The following USP27X variants were observed in gnomAD, a reference collection of about 807,000 sequenced individuals.
USP27X encodes the protein ubiquitin specific peptidase 27 X-linked.
For synonymous variants in USP27X, 109 were observed against 141.5 expected (o/e 0.77, Z 1.63); for missense variants, 161 against 341.0 (o/e 0.47, Z 4.16).
Position 49,881,504 on chromosome X carries a change from C to T in USP27X, c.1197C>T (p.Val399=), listed in dbSNP as rs782121283. The T allele has an allele frequency of 1.7e-6, 2 of 1,210,146 alleles. No homozygotes were observed. The highest frequency in any genetic ancestry group is 3.5e-5 in the South Asian group (2 of 56,558). The part of the protein sequence containing the change: ...KDQWFKCDDA[V]ITKASIKDVL... The stretch of plus-strand genomic sequence containing the variant: ...AGTGGTTCAAGTGTGATGATGCCGT[C>T]ATCACTAAGGCCAGTATTAAGGACG... The change falls in exon 1 of 1, where the codon GTC becomes GTT. Residue 399 remains valine, a synonymous_variant. Transcript: ENST00000621775.
chrX:49,880,235 C>A lies in USP27X; in HGVS notation c.-73C>A. On this transcript the variant is annotated 5_prime_UTR_variant, in exon 1 of 1. Coordinates refer to ENST00000621775, the MANE Select transcript of USP27X (RefSeq NM_001145073.3). Reference sequence around the variant, plus strand: ...TCTTTGGCTGCTTCACGGAGAAACACATTCACGAGCACGCAGAGACGAAAC... The same window carrying A: ...TCTTTGGCTGCTTCACGGAGAAACAAATTCACGAGCACGCAGAGACGAAAC... The A allele has an allele frequency of 1.1e-6, 1 of 915,762 alleles. No individual in the cohort carries two copies. The highest frequency in any genetic ancestry group is 1.5e-6 in the Non-Finnish European group (1 of 673,143). The allele number at this position is 915,762 out of a possible 1,213,427, so 75.5% of individuals were successfully genotyped here. A position where few individuals can be genotyped will look rare whatever the true frequency, so the allele number is the denominator to read the frequency against.
rs1557162485 is a variant in USP27X at position 49,880,343 on chromosome X, G to A, written c.36G>A (p.Glu12=). The change falls in exon 1 of 1, where the codon GAG becomes GAA. Residue 12 remains glutamate, a synonymous_variant. Transcript: ENST00000621775. ...CKDYVYDKDI[E]QIAKEEQGEA... ...ACTATGTATATGACAAAGACATTGA[G>A]CAAATTGCCAAAGAAGAGCAAGGAG... The A allele has an allele frequency of 8.6e-6, 10 of 1,163,670 alleles. No individual in the cohort carries two copies. Among genetic ancestry groups the A allele is most frequent in the Non-Finnish European group, 1.1e-5 (10 of 871,196 alleles).
chrX:49,881,681 A>G lies in USP27X; in HGVS notation c.*57A>G. The G allele has an allele frequency of 3.0e-6, 3 of 998,997 alleles. No homozygotes were observed. The highest frequency in any genetic ancestry group is 4.1e-6 in the Non-Finnish European group (3 of 739,652). 82.3% of individuals were successfully genotyped at this position (998,997 alleles called of 1,213,427 possible). ...TGACGACACCAATACTACAACTGGC[A>G]TCGAGATCTAAAGGACCTACTTGAC... On this transcript the variant is annotated 3_prime_UTR_variant, in exon 1 of 1. Coordinates refer to ENST00000621775, the MANE Select transcript of USP27X (RefSeq NM_001145073.3).
In USP27X at chrX:49,881,793, A is replaced by T. The variant is rs1924396289; in HGVS notation, c.*169A>T. ...TTGGAAGAGAAATAGAAGGGGAGGG[A>T]GAAGAGGCTCTAGTCTAAGCAGTTG... On this transcript the variant is annotated 3_prime_UTR_variant, in exon 1 of 1. Transcript: ENST00000621775. 2.0e-5 allele frequency: 9 copies of T among 456,745 alleles called. No individual in the cohort carries two copies. Among genetic ancestry groups the T allele is most frequent in the Non-Finnish European group, 3.0e-5 (8 of 263,493 alleles). The allele number at this position is 456,745 out of a possible 1,213,427, so 37.6% of individuals were successfully genotyped here.
chrX:49,881,571 G>A lies in USP27X; in HGVS notation c.1264G>A (p.Val422Met), dbSNP rs1924391137. 3 of 1,186,681 alleles carry A rather than the reference G, an allele frequency of 2.5e-6. No individual in the cohort carries two copies. The highest frequency in any genetic ancestry group is 1.7e-5 in the African/African-American group (1 of 57,196). The change falls in exon 1 of 1, where the codon GTG becomes ATG. Residue 422 changes from valine (V) to methionine (M), a missense_variant. Transcript: ENST00000621775. ...GTATTTACTGTTCTATCACAAACAG[G>A]TGCTAGAACATGAGTCAGAAAAAGT... ...EGYLLFYHKQ[V>M]LEHESEKVKE...
Position 49,881,098 on chromosome X carries a change from C to G in USP27X, c.791C>G (p.Thr264Arg). Residue 264 changes from threonine to arginine, a missense_variant, in exon 1 of 1, where the codon ACG becomes AGG. Physicochemically the swap from Thr to Arg is moderately conservative, Grantham distance 71. Coordinates refer to ENST00000621775, the MANE Select transcript of USP27X (RefSeq NM_001145073.3). Reference protein sequence around the residue: ...ESHIPGITTLTDCLRRFTRPE... With the variant: ...ESHIPGITTLRDCLRRFTRPE... ...CACATACCAGGAATCACCACCCTCA[C>G]GGACTGCTTGCGGAGGTTTACGAGG... 1 of 1,169,205 alleles carries G rather than the reference C, an allele frequency of 8.6e-7. No homozygotes were observed. Among genetic ancestry groups the G allele is most frequent in the Non-Finnish European group, 1.1e-6 (1 of 873,725 alleles).
Sources: gnomAD v4.1 joint callset for allele counts on GRCh38, gnomAD v4.1.1 for gene constraint, MANE v1.5 for transcripts, NCBI Gene and HGNC (gene_info 2026-07-23, HGNC 2026-07-21) for gene names.